The following IQGAP1 variants were observed in gnomAD, a reference collection of about 807,000 sequenced individuals.
IQGAP1 encodes ras GTPase-activating-like protein IQGAP1.
IQGAP1 carries 66 observed loss-of-function variants against 215.6 expected under a neutral mutation model. That is an observed-to-expected ratio of 0.31 (90% CI 0.25 to 0.38). IQGAP1 has a LOEUF of 0.38. Among genes scored for constraint, IQGAP1 ranks in the 10% least tolerant of loss-of-function variants. IQGAP1 has a pLI of 1.00. For missense variants in IQGAP1, 1,712 were observed against 1,997.1 expected (o/e 0.86, Z 2.72); for synonymous variants, 772 against 728.7 (o/e 1.06, Z -0.96).
intron 4 of IQGAP1, among the ~76,000 whole-genome samples, chr15:90,430,487 G>A (rs1352178871): frequency 6.6e-6 from 1 of 152,084 alleles, no homozygotes; most frequent in Non-Finnish European, 1.5e-5. Context: ...TCTTTACAAG[G>A]GGTATTAATT....
chr15:90,392,747 TC>T (rs1964652797), intron 2 of IQGAP1, among the ~76,000 whole-genome samples: 3 of 118,862 alleles, frequency 2.5e-5, no homozygotes, highest in Non-Finnish European at 5.0e-5. Flanking sequence ...AATGTTTCTA[TC>T]TTTTTTTTTT....
At chr15:90,456,811 C>T (rs1014247353) in intron 15 of IQGAP1, among the ~76,000 whole-genome samples, 1 of 150,524 alleles carries the variant, frequency 6.6e-6, no homozygotes, top group Non-Finnish European at 1.5e-5. Flanking sequence ...TTACTTGAGC[C>T]TGAGAGGTGG....
Position 90,474,702 on chromosome 15 carries a change from C to G in IQGAP1, c.2784+9C>G. The G allele has an allele frequency of 6.2e-7, 1 of 1,600,392 alleles. No homozygotes were observed. The highest frequency in any genetic ancestry group is 1.7e-5 in the Admixed American group (1 of 60,004). ...ATAAGATTACGTTGCAGGTATGGCCCAGTGCCAGCGGGGGCCTTGGAACGG... is the reference window on the plus strand; with the variant it reads ...ATAAGATTACGTTGCAGGTATGGCCGAGTGCCAGCGGGGGCCTTGGAACGG... On this transcript the variant is annotated intron_variant, in intron 23 of 37. Transcript: ENST00000268182.
Position 90,441,585 on chromosome 15 carries a change from G to T in IQGAP1, c.729G>T (p.Pro243=). The stretch of plus-strand genomic sequence containing the variant: ...ACACATTTGCAGCTTTGAAAAATCC[G>T]AATGCCATGCTTGTAAATCTTGAAG... ...PADTFAALKN[P]NAMLVNLEEP... is the part of the protein sequence containing the mutation. The change falls in exon 8 of 38, where the codon CCG becomes CCT. Residue 243 remains proline (P), a synonymous_variant. Coordinates refer to ENST00000268182, the MANE Select transcript of IQGAP1 (RefSeq NM_003870.4). 6.2e-7 allele frequency: 1 copy of T among 1,613,666 alleles called. No homozygotes were observed. Among genetic ancestry groups the T allele is most frequent in the South Asian group, 1.1e-5 (1 of 91,062 alleles).
intron 15 of IQGAP1, among the ~76,000 whole-genome samples, chr15:90,459,281 C>A (rs1023930555): frequency 1.3e-5 from 2 of 152,156 alleles, no homozygotes; most frequent in African/African-American, 4.8e-5. Flanking sequence ...ACAGCAACAG[C>A]ATAAAAAGAG....
At chr15:90,396,097 C>T (rs1423139105) in intron 2 of IQGAP1, among the ~76,000 whole-genome samples, 1 of 152,148 alleles carries the variant, frequency 6.6e-6, no homozygotes, top group Non-Finnish European at 1.5e-5. Flanking sequence ...ATGTCACTTT[C>T]TGTAATTTAG....
chr15:90,433,915 T>C, intron 5 of IQGAP1, 120 bp downstream of exon 5: 1 of 535,554 alleles, frequency 1.9e-6, no homozygotes, highest in Admixed American at 3.3e-5. Context: ...AAGTTCCAAA[T>C]AGGATAAAAT....
At chr15:90,457,767 T>C (rs534419209) in intron 15 of IQGAP1, among the ~76,000 whole-genome samples, 152 of 152,246 alleles carry the variant, frequency 1.0e-3, no homozygotes, top group Non-Finnish European at 1.6e-3. Context: ...CTATGAATTT[T>C]TAATTTTGGT....
intron 9 of IQGAP1, among the ~76,000 whole-genome samples, chr15:90,445,676 T>A (rs1965517202): frequency 6.6e-6 from 1 of 152,226 alleles, no homozygotes; most frequent in African/African-American, 2.4e-5. Flanking sequence ...GGCTTAATCT[T>A]GTTTTGCTCA....
In IQGAP1 at chr15:90,467,609, C is replaced by T. The variant is rs1217781197; in HGVS notation, c.2178+17C>T. 6.3e-7 allele frequency: 1 copy of T among 1,597,856 alleles called. No individual in the cohort carries two copies. Among genetic ancestry groups the T allele is most frequent in the East Asian group, 2.3e-5 (1 of 44,388 alleles). Reference sequence around the variant, plus strand: ...GAGATCCAGGTAGGTTACCTTTCTTCACGTAAGAAGAAGCTGAGAGAAAGT... The same window carrying T: ...GAGATCCAGGTAGGTTACCTTTCTTTACGTAAGAAGAAGCTGAGAGAAAGT... On this transcript the variant is annotated intron_variant, in intron 18 of 37. Coordinates refer to ENST00000268182, the MANE Select transcript of IQGAP1 (RefSeq NM_003870.4).
intron 2 of IQGAP1, 68 bp from the exon 3 acceptor site, chr15:90,426,042 C>A: frequency 6.8e-7 from 1 of 1,472,276 alleles, no homozygotes; most frequent in Non-Finnish European, 9.2e-7. Context: ...GGAAATAAAG[C>A]TTAAAATCTC....
chr15:90,476,003 A>G (rs988974787), intron 23 of IQGAP1, among the ~76,000 whole-genome samples: 1 of 151,872 alleles, frequency 6.6e-6, no homozygotes, highest in African/African-American at 2.4e-5. Context: ...TGGCATGATC[A>G]TGACTCACTG....
At chr15:90,476,420 TG>T (rs1360885451) in intron 23 of IQGAP1, among the ~76,000 whole-genome samples, 2 of 152,254 alleles carry the variant, frequency 1.3e-5, no homozygotes, top group African/African-American at 4.8e-5. Context: ...AATAGACTGC[TG>T]GAAGTTGGTT....
intron 5 of IQGAP1, among the ~76,000 whole-genome samples, chr15:90,438,574 T>G (rs563316145): frequency 6.6e-6 from 1 of 152,226 alleles, no homozygotes; most frequent in Non-Finnish European, 1.5e-5. Flanking sequence ...ATTAAACTTT[T>G]CCATCAGTAA....
intron 28 of IQGAP1, chr15:90,482,635 T>G: frequency 1.5e-6 from 1 of 653,916 alleles, no homozygotes; most frequent in Non-Finnish European, 2.0e-6. Context: ...AACTCTTTCT[T>G]ACTCAGCTAT....
At chr15:90,453,332 C>T in intron 13 of IQGAP1, 40 bp downstream of exon 13, 1 of 1,463,416 alleles carries the variant, frequency 6.8e-7, no homozygotes, top group Non-Finnish European at 9.3e-7. Context: ...CATTACGTAG[C>T]TGTTAACCCT....
intron 5 of IQGAP1, among the ~76,000 whole-genome samples, chr15:90,436,004 T>G (rs1965365774): frequency 6.6e-6 from 1 of 151,510 alleles, no homozygotes; most frequent in African/African-American, 2.4e-5. Context: ...TAAGGCTCCA[T>G]CTCCCTTTGG....
intron 2 of IQGAP1, among the ~76,000 whole-genome samples, chr15:90,419,282 G>T (rs906438569): frequency 1.3e-5 from 2 of 152,136 alleles, no homozygotes; most frequent in Non-Finnish European, 2.9e-5. Context: ...TAATACTTCA[G>T]AGGTTGTTGC....
In IQGAP1 at chr15:90,501,726, A is replaced by G. The variant is rs1025968529; in HGVS notation, c.*1618A>G. The G allele has an allele frequency of 1.1e-4, 16 of 152,174 alleles. No individual in the cohort carries two copies. The highest frequency in any genetic ancestry group is 2.2e-4 in the African/African-American group (9 of 41,440). The allele number at this position is 152,174 out of a possible 1,614,324, so 9.4% of individuals were successfully genotyped here. A position where few individuals can be genotyped will look rare whatever the true frequency, so the allele number is the denominator to read the frequency against. On this transcript the variant is annotated 3_prime_UTR_variant, in exon 38 of 38. Coordinates refer to ENST00000268182, the MANE Select transcript of IQGAP1 (RefSeq NM_003870.4). ...TGGAAGACAGGTTTTTTAAAGAAAC[A>G]TTTTCCTCAGATTAAAAGATGATGC...
Sources: allele counts gnomAD v4.1 joint callset (sites outside exome capture counted in the v4.1 genomes callset), GRCh38; gene constraint gnomAD v4.1.1; transcripts MANE v1.5; gene names NCBI Gene and HGNC (gene_info 2026-07-23, HGNC 2026-07-21).